Variants in SLC35F4 observed in about 807,000 individuals in gnomAD.
The protein encoded by SLC35F4 is solute carrier family 35 member F4.
In SLC35F4, 24 loss-of-function variants were observed where a neutral mutation model predicts 44.2. The ratio of observed to expected loss-of-function variants is 0.54; its 90% confidence interval spans 0.39 to 0.76. SLC35F4 has a LOEUF of 0.76. Among genes scored for constraint, SLC35F4 ranks in the 30% least tolerant of loss-of-function variants. The pLI, the probability that SLC35F4 is intolerant of heterozygous loss-of-function variation, is 0.00. For missense variants in SLC35F4, 562 were observed against 586.1 expected, an observed-to-expected ratio of 0.96 and a Z score of 0.42; for synonymous variants, 238 against 223.6, an observed-to-expected ratio of 1.06 and a Z score of -0.57.
chr14:57,800,756 G>GA (rs1429350675), intron 1 of SLC35F4, among the ~76,000 whole-genome samples: 1 of 151,048 alleles, frequency 6.6e-6, no homozygotes, highest in African/African-American at 2.4e-5. Flanking sequence ...CCAAGTGGAG[G>GA]AAAAAAAAAC....
At chr14:57,630,587 A>C in intron 1 of SLC35F4, 1 of 935,526 alleles carries the variant, frequency 1.1e-6, no homozygotes, top group Non-Finnish European at 1.7e-6. Flanking sequence ...ATTAGGGAAA[A>C]AAAGAACCAC....
chr14:57,744,732 A>G (rs931693278), intron 1 of SLC35F4, among the ~76,000 whole-genome samples: 2 of 152,172 alleles, frequency 1.3e-5, no homozygotes, highest in Non-Finnish European at 1.5e-5. Context: ...AGAGTATTGG[A>G]AAAAACTACT....
At chr14:57,742,075 A>G (rs979982332) in intron 1 of SLC35F4, among the ~76,000 whole-genome samples, 3 of 152,224 alleles carry the variant, frequency 2.0e-5, no homozygotes, top group Admixed American at 6.5e-5. Flanking sequence ...TGAAGGAAGC[A>G]CTAAACATGG....
chr14:57,670,809 A>T (rs546876765), intron 1 of SLC35F4, among the ~76,000 whole-genome samples: 3 of 151,616 alleles, frequency 2.0e-5, no homozygotes, highest in Non-Finnish European at 4.4e-5. Context: ...TACCTATTCT[A>T]TTAATTCATA....
At chr14:57,643,761 TC>T (rs1396231798) in intron 1 of SLC35F4, among the ~76,000 whole-genome samples, 1 of 152,060 alleles carries the variant, frequency 6.6e-6, no homozygotes, top group African/African-American at 2.4e-5. Context: ...ATACTATCCC[TC>T]CCCCCTTCCC....
chr14:57,939,095 C>A (rs1328275009), intron 1 of SLC35F4, among the ~76,000 whole-genome samples: 1 of 151,650 alleles, frequency 6.6e-6, no homozygotes, highest in Non-Finnish European at 1.5e-5. Context: ...TATCTTTCCC[C>A]CCGAGAGGGA....
intron 1 of SLC35F4, among the ~76,000 whole-genome samples, chr14:57,903,243 G>C (rs1416369419): frequency 6.6e-6 from 1 of 152,172 alleles, no homozygotes; most frequent in African/African-American, 2.4e-5. Flanking sequence ...TTGTAGCCAA[G>C]GAACAGGGGA....
chr14:57,831,158 CTCCCA>C (rs1884333168), intron 1 of SLC35F4, among the ~76,000 whole-genome samples: 1 of 152,178 alleles, frequency 6.6e-6, no homozygotes, highest in Non-Finnish European at 1.5e-5. Flanking sequence ...TTTTCGATTC[CTCCCA>C]TTCCTTTCCT....
At chr14:57,596,836 C>A in intron 1 of SLC35F4, 1 of 1,367,668 alleles carries the variant, frequency 7.3e-7, no homozygotes, top group Non-Finnish European at 9.8e-7. Context: ...AAGCCCATTG[C>A]CTGCTGCCAG....
chr14:57,844,419 T>A (rs563322655), intron 1 of SLC35F4, among the ~76,000 whole-genome samples: 1 of 152,276 alleles, frequency 6.6e-6, no homozygotes, highest in South Asian at 2.1e-4. Flanking sequence ...AAGAGAACTT[T>A]AGCAACACCA....
intron 1 of SLC35F4, among the ~76,000 whole-genome samples, chr14:57,621,618 A>T (rs2072185293): frequency 6.6e-6 from 1 of 152,264 alleles, no homozygotes; most frequent in African/African-American, 2.4e-5. Flanking sequence ...AGCCATATGT[A>T]AAAAGCTGAA....
At chr14:57,626,134 G>A (rs1300906686) in intron 1 of SLC35F4, among the ~76,000 whole-genome samples, 1 of 146,046 alleles carries the variant, frequency 6.8e-6, no homozygotes, top group East Asian at 1.9e-4. Flanking sequence ...AGAACACATG[G>A]ACACAGGGAG....
At chr14:57,869,457 T>C (rs1337981635), upstream of SLC35F4, among the ~76,000 whole-genome samples, 1 of 152,200 alleles carries the variant, frequency 6.6e-6, no homozygotes, top group Non-Finnish European at 1.5e-5. Flanking sequence ...GATCAGAAAA[T>C]CTGGGCTTTA....
intron 3 of SLC35F4, among the ~76,000 whole-genome samples, chr14:57,583,881 G>C (rs898627842): frequency 2.0e-5 from 3 of 152,104 alleles, no homozygotes; most frequent in African/African-American, 7.2e-5. Context: ...GTTTCTCTTT[G>C]GGATGATGAG....
chr14:57,862,516 T>A (rs902288089), intron 1 of SLC35F4, among the ~76,000 whole-genome samples: 14 of 152,300 alleles, frequency 9.2e-5, no homozygotes, highest in African/African-American at 3.4e-4. Flanking sequence ...AGTGACCTCA[T>A]CTCCAACCAC....
At chr14:57,616,504 A>G (rs140823114) in intron 1 of SLC35F4, among the ~76,000 whole-genome samples, 1 of 152,128 alleles carries the variant, frequency 6.6e-6, no homozygotes, top group South Asian at 2.1e-4. Flanking sequence ...CTCAGTGAAA[A>G]ACACTGAGAA....
chr14:57,928,324 C>T (rs1320122159), intron 1 of SLC35F4, among the ~76,000 whole-genome samples: 3 of 152,188 alleles, frequency 2.0e-5, no homozygotes, highest in African/African-American at 7.2e-5. Context: ...AGGAGGCACT[C>T]CTCTTTCTCC....
At chr14:57,918,194 C>T (rs1482647285) in intron 1 of SLC35F4, among the ~76,000 whole-genome samples, 2 of 152,192 alleles carry the variant, frequency 1.3e-5, no homozygotes, top group Admixed American at 1.3e-4. Context: ...ACTGTGAGAA[C>T]CTGATCGAGC....
At chr14:57,914,933 AG>A (rs1445864673) in intron 1 of SLC35F4, among the ~76,000 whole-genome samples, 1 of 152,146 alleles carries the variant, frequency 6.6e-6, no homozygotes, top group Non-Finnish European at 1.5e-5. Context: ...GACTCTCTGC[AG>A]CAACCCTGCC....
Sources: allele counts gnomAD v4.1 joint callset (sites outside exome capture counted in the v4.1 genomes callset), GRCh38; gene constraint gnomAD v4.1.1; transcripts MANE v1.5; gene names NCBI Gene and HGNC (gene_info 2026-07-23, HGNC 2026-07-21).